Variants in UXS1 observed in about 807,000 individuals in gnomAD.
UXS1 encodes UDP-glucuronic acid decarboxylase 1.
In UXS1, 33 loss-of-function variants were observed where a neutral mutation model predicts 62.6. The observed-to-expected ratio is 0.53, with a 90% CI of 0.40 to 0.70. The LOEUF (loss-of-function observed/expected upper bound fraction) is 0.70. Among genes scored for constraint, UXS1 ranks in the 30% least tolerant of loss-of-function variants. UXS1 has a pLI of 0.00. For synonymous variants in UXS1, 213 were observed against 206.8 expected (o/e 1.03, Z -0.26); for missense variants, 434 against 556.3 (o/e 0.78, Z 2.21).
chr2:106,101,317 A>G (rs575154310), intron 11 of UXS1, 199 bp from the exon 12 acceptor site: 190 of 577,466 alleles, frequency 3.3e-4, no homozygotes, highest in African/African-American at 3.2e-3. Flanking sequence ...ATGAAATGAT[A>G]TATTTGATGT....
chr2:106,108,824 T>C (rs1485252267), intron 10 of UXS1, among the ~76,000 whole-genome samples: 4 of 152,190 alleles, frequency 2.6e-5, no homozygotes, highest in Non-Finnish European at 5.9e-5. Flanking sequence ...ACAAAGATTC[T>C]TTGCTTGGCC....
At chr2:106,143,437 A>AAAAAAAAAAAAC (rs1558719544) in intron 6 of UXS1, among the ~76,000 whole-genome samples, 1 of 122,750 alleles carries the variant, frequency 8.1e-6, no homozygotes, top group Non-Finnish European at 1.9e-5. Context: ...AAAAAAAAAA[A>AAAAAAAAAAAAC]AGGTATAATT....
chr2:106,101,250 T>A, intron 11 of UXS1, 132 bp from the exon 12 acceptor site: 1 of 847,566 alleles, frequency 1.2e-6, no homozygotes, highest in Non-Finnish European at 1.8e-6. Flanking sequence ...GAAAATTGAA[T>A]GTCGAAACAA....
intron 5 of UXS1, among the ~76,000 whole-genome samples, chr2:106,149,243 T>G (rs760282996): frequency 6.6e-6 from 1 of 152,182 alleles, no homozygotes; most frequent in East Asian, 1.9e-4. Flanking sequence ...AAATAAATTC[T>G]ATAATACTCA....
intron 6 of UXS1, among the ~76,000 whole-genome samples, chr2:106,136,965 C>CAAAAAAAAAAAAAAAAAAAA (rs397701050): frequency 3.7e-5 from 2 of 54,176 alleles, no homozygotes; most frequent in Non-Finnish European, 3.5e-5. Flanking sequence ...AGAACACACA[C>CAAAAAAAAAAAAAAAAAAAA]AAAAAAAAAA....
chr2:106,100,005 G>A (rs1199715841), intron 12 of UXS1, among the ~76,000 whole-genome samples: 2 of 152,182 alleles, frequency 1.3e-5, no homozygotes, highest in African/African-American at 4.8e-5. Context: ...ATAAGCAAAG[G>A]TGACATGGTT....
chr2:106,098,188 A>G (rs551581319), intron 13 of UXS1, among the ~76,000 whole-genome samples: 1 of 152,356 alleles, frequency 6.6e-6, no homozygotes, highest in African/African-American at 2.4e-5. Context: ...CCAAGGGCTC[A>G]TCCACTCTAT....
At chr2:106,124,177 A>G (rs2104928032) in intron 8 of UXS1, among the ~76,000 whole-genome samples, 1 of 152,348 alleles carries the variant, frequency 6.6e-6, no homozygotes, top group South Asian at 2.1e-4. Context: ...ACTTAAATTC[A>G]CAGAATGTAC....
chr2:106,143,517 T>C (rs986380289), intron 6 of UXS1, among the ~76,000 whole-genome samples: 2 of 148,726 alleles, frequency 1.3e-5, no homozygotes, highest in Admixed American at 1.3e-4. Flanking sequence ...TATTGCTGCC[T>C]AATCAAATTT....
chr2:106,140,838 C>T lies in UXS1; in HGVS notation c.472+4352G>A, dbSNP rs138629486. 4.0e-3 allele frequency among the ~76,000 whole-genome samples: 611 copies of T among 152,286 alleles called. 1 individual carries two copies. The highest frequency in any genetic ancestry group is 0.014 in the African/African-American group (576 of 41,550). On this transcript the variant is annotated intron_variant, in intron 6 of 14. Transcript: ENST00000283148. Reference sequence around the variant, plus strand: ...CAAGTTCCCGGTACTGGTCTTCCCACGACACAATGCACATTTCTGCCTTTT... The same window carrying T: ...CAAGTTCCCGGTACTGGTCTTCCCATGACACAATGCACATTTCTGCCTTTT...
At chr2:106,095,183 A>T (rs1676978449) in intron 14 of UXS1, among the ~76,000 whole-genome samples, 1 of 152,234 alleles carries the variant, frequency 6.6e-6, no homozygotes, top group African/African-American at 2.4e-5. Context: ...TAGTTAATAC[A>T]TAGTGAATGT....
chr2:106,171,133 C>A (rs990231438), intron 1 of UXS1, among the ~76,000 whole-genome samples: 2 of 152,122 alleles, frequency 1.3e-5, no homozygotes, highest in Non-Finnish European at 2.9e-5. Flanking sequence ...CTTCATAGTT[C>A]TCATTATGTT....
intron 10 of UXS1, among the ~76,000 whole-genome samples, chr2:106,108,908 G>A (rs1423405362): frequency 1.3e-5 from 2 of 152,132 alleles, no homozygotes; most frequent in Non-Finnish European, 2.9e-5. Flanking sequence ...GTTTTGACAA[G>A]AACCCTGCTA....
intron 1 of UXS1, among the ~76,000 whole-genome samples, chr2:106,193,320 C>T (rs1441271818): frequency 6.6e-6 from 1 of 152,168 alleles, no homozygotes; most frequent in African/African-American, 2.4e-5. Context: ...AATTTTGCTA[C>T]TTGGTAACGT....
intron 1 of UXS1, among the ~76,000 whole-genome samples, chr2:106,192,492 T>C (rs1172137523): frequency 6.7e-6 from 1 of 149,954 alleles, no homozygotes; most frequent in Non-Finnish European, 1.5e-5. Context: ...AGGTGGAGCG[T>C]GCAGTGAGCC....
At chr2:106,173,210 A>T (rs1321139781) in intron 1 of UXS1, among the ~76,000 whole-genome samples, 1 of 152,210 alleles carries the variant, frequency 6.6e-6, no homozygotes, top group African/African-American at 2.4e-5. Flanking sequence ...ATATTTGCTG[A>T]AAGCCTGACT....
chr2:106,150,034 G>C (rs1425369830), intron 5 of UXS1, among the ~76,000 whole-genome samples: 1 of 152,162 alleles, frequency 6.6e-6, no homozygotes, highest in Non-Finnish European at 1.5e-5. Flanking sequence ...GTTACAAAGT[G>C]GCAAAGAACT....
At chr2:106,115,108 C>CGATGGAT (rs1460028460) in intron 9 of UXS1, among the ~76,000 whole-genome samples, 1 of 152,170 alleles carries the variant, frequency 6.6e-6, no homozygotes. Flanking sequence ...GGGGGACAGT[C>CGATGGAT]GATGGATGCT....
intron 12 of UXS1, among the ~76,000 whole-genome samples, chr2:106,099,800 T>G (rs1438123145): frequency 6.6e-6 from 1 of 152,190 alleles, no homozygotes; most frequent in Non-Finnish European, 1.5e-5. Context: ...AGGCTTACAG[T>G]GTGAGGCACG....
Sources: gnomAD v4.1 joint callset for allele counts (sites outside exome capture counted in the v4.1 genomes callset) on GRCh38, gnomAD v4.1.1 for gene constraint, MANE v1.5 for transcripts, NCBI Gene and HGNC (gene_info 2026-07-23, HGNC 2026-07-21) for gene names.